Variants in ZNHIT1 observed in about 807,000 individuals in gnomAD.
ZNHIT1 encodes the protein zinc finger HIT domain-containing protein 1.
Under a neutral mutation model 21.4 loss-of-function variants are expected in ZNHIT1, and 20 were observed. The ratio of observed to expected loss-of-function variants is 0.93; its 90% CI spans 0.66 to 1.36. The LOEUF is 1.36. ZNHIT1 is among the 40% of genes most tolerant of loss of function. The pLI is 0.00. For synonymous variants in ZNHIT1, 79 were observed against 84.0 expected (o/e 0.94, Z 0.32); for missense variants, 170 against 213.5 (o/e 0.80, Z 1.27).
Position 101,218,337 on chromosome 7 carries a change from A to G in ZNHIT1, c.22+120A>G, listed in dbSNP as rs1798319151. On this transcript the variant is annotated intron_variant, in intron 1 of 4. Transcript: ENST00000305105. ...CGCCTAGGCTGGAGTGCAGTGGCAT[A>G]GTCATAGCTCACTGCAGCCTCGATT... 18 of 1,132,098 alleles carry G rather than the reference A, an allele frequency of 1.6e-5. 1 individual carries two copies. In the South Asian group the frequency reaches 2.6e-4, roughly 17 times the overall value. The allele number at this position is 1,132,098 out of a possible 1,614,324, so 70.1% of individuals were successfully genotyped here.
chr7:101,222,177 G>T (rs1798380525), intron 1 of ZNHIT1: 1 of 166,274 alleles, frequency 6.0e-6, no homozygotes, highest in Admixed American at 6.3e-5. Context: ...TTGTGGGTAG[G>T]TGGCCTGGAA....
chr7:101,223,953 G>C lies in ZNHIT1; in HGVS notation c.460G>C (p.Val154Leu). ...HQETRCLKWT[V>L] ...TGTCTGCAGGTGTCTGAAGTGGACT[G>C]TGTGAGCCTGGGCATTCCCAGAGAG... Residue 154 changes from valine (V) to leucine (L), a missense_variant, in exon 5 of 5, where the codon GTG becomes CTG. Physicochemically the swap from Val to Leu is conservative, Grantham distance 32 (BLOSUM62 1). Coordinates refer to ENST00000305105, the MANE Select transcript of ZNHIT1 (RefSeq NM_006349.3). 2 of 1,614,188 alleles carry C rather than the reference G, an allele frequency of 1.2e-6. No homozygotes were observed. Among genetic ancestry groups the C allele is most frequent in the Non-Finnish European group, 1.7e-6 (2 of 1,180,038 alleles).
rs780206314 is a variant in ZNHIT1, at chr7:101,223,468, G to C, written c.194-9G>C. The C allele has an allele frequency of 5.6e-6, 9 of 1,614,062 alleles. No homozygotes were observed. The highest frequency in any genetic ancestry group is 3.3e-5 in the South Asian group (3 of 91,074). On this transcript the variant is annotated splice_polypyrimidine_tract_variant and intron_variant, in intron 2 of 4. Transcript: ENST00000305105. ...AAGTGCCAAGCAACGGATCACCCTT[G>C]ACCCCTAGGAAAGAAAAAGAAGAAA...
intron 1 of ZNHIT1, chr7:101,219,654 C>G (rs978655905): frequency 6.7e-6 from 1 of 150,344 alleles, no homozygotes; most frequent in Admixed American, 6.6e-5. Context: ...TCTTGATCTC[C>G]TGACCTCGTG....
At chr7:101,221,660 T>G (rs1036811626) in intron 1 of ZNHIT1, 18 of 152,184 alleles carry the variant, frequency 1.2e-4, no homozygotes, top group African/African-American at 4.4e-4. Flanking sequence ...GTGCATAGAC[T>G]GAGCAGAGAA....
chr7:101,219,966 T>G (rs982106060), intron 1 of ZNHIT1: 2 of 152,228 alleles, frequency 1.3e-5, no homozygotes, highest in Non-Finnish European at 2.9e-5. Flanking sequence ...CTGTACTTAC[T>G]GTGTTTGTTT....
At chr7:101,218,562 T>G (rs1478765843) in intron 1 of ZNHIT1, 1 of 304,358 alleles carries the variant, frequency 3.3e-6, no homozygotes, top group African/African-American at 2.2e-5. Flanking sequence ...AGGCGTGAGC[T>G]GCCGCGCCCG....
At chr7:101,221,839 G>A (rs1011683670) in intron 1 of ZNHIT1, 2 of 152,168 alleles carry the variant, frequency 1.3e-5, no homozygotes, top group African/African-American at 4.8e-5. Context: ...CAGGTCCAAG[G>A]AGGAGGAGGA....
chr7:101,222,530 C>T (rs1376960363), intron 1 of ZNHIT1, 74 bp from the exon 2 acceptor site: 126 of 1,523,294 alleles, frequency 8.3e-5, no homozygotes, highest in South Asian at 6.3e-5. Context: ...GTGCCTTCCT[C>T]GCCCTGCCCA....
At chr7:101,218,283 G>A in intron 1 of ZNHIT1, 66 bp downstream of exon 1, 1 of 1,560,570 alleles carries the variant, frequency 6.4e-7, no homozygotes, top group East Asian at 2.3e-5. Context: ...TTCTTACCTA[G>A]TCATTCCTCT....
intron 1 of ZNHIT1, 49 bp from the exon 2 acceptor site, chr7:101,222,555 C>G (rs769960078): frequency 6.3e-7 from 1 of 1,575,384 alleles, no homozygotes; most frequent in Non-Finnish European, 8.6e-7. Flanking sequence ...GGCGGCCACA[C>G]TGCTCTTTCT....
At chr7:101,222,909 C>A in intron 2 of ZNHIT1, 135 bp downstream of exon 2, 1 of 1,133,608 alleles carries the variant, frequency 8.8e-7, no homozygotes, top group Non-Finnish European at 1.2e-6. Flanking sequence ...TGTGAGCAAC[C>A]ACACCCCCTT....
chr7:101,223,208 C>G (rs1798401591), intron 2 of ZNHIT1, among the ~76,000 whole-genome samples: 1 of 152,122 alleles, frequency 6.6e-6, no homozygotes, highest in African/African-American at 2.4e-5. Context: ...CCCATCTCTA[C>G]TAAAAATACA....
chr7:101,222,855 C>T, intron 2 of ZNHIT1, 81 bp downstream of exon 2: 2 of 1,522,656 alleles, frequency 1.3e-6, no homozygotes, highest in Non-Finnish European at 1.8e-6. Context: ...TGTGGGAGGA[C>T]CCAGGAGCTC....
Position 101,223,460 on chromosome 7 carries a change from T to A in ZNHIT1, c.194-17T>A. On this transcript the variant is annotated splice_polypyrimidine_tract_variant and intron_variant, in intron 2 of 4. Transcript: ENST00000305105. ...TTCTGGGCAAGTGCCAAGCAACGGA[T>A]CACCCTTGACCCCTAGGAAAGAAAA... The A allele has an allele frequency of 2.5e-6, 4 of 1,613,714 alleles. No homozygotes were observed. Among genetic ancestry groups the A allele is most frequent in the Non-Finnish European group, 3.4e-6 (4 of 1,179,836 alleles).
At chr7:101,222,377 C>T (rs1401295940) in intron 1 of ZNHIT1, 11 of 515,268 alleles carry the variant, frequency 2.1e-5, no homozygotes, top group Non-Finnish European at 3.7e-5. Flanking sequence ...GAGAGGAAGG[C>T]GGAGAAAACA....
chr7:101,222,560 C>G lies in ZNHIT1; in HGVS notation c.23-44C>G, dbSNP rs763082821. The G allele has an allele frequency of 5.7e-6, 9 of 1,580,008 alleles. No homozygotes were observed. In the Admixed American group the frequency reaches 7.2e-5, roughly 13 times the overall value. On this transcript the variant is annotated intron_variant, in intron 1 of 4. Transcript: ENST00000305105. ...TGCCCAGAGCGGCGGCCACACTGCT[C>G]TTTCTTGGAAGCCCTGTAACTTTGC...
chr7:101,223,715 G>A lies in ZNHIT1; in HGVS notation c.316G>A (p.Ala106Thr). ...GGGCCCTAACTACCTGACGGCCTGT[G>A]CGGGACCCCCATCGCGGCCCCAGCG... Reference protein sequence around the residue: ...AEGPNYLTACAGPPSRPQRPF... With the variant: ...AEGPNYLTACTGPPSRPQRPF... Residue 106 changes from alanine (A) to threonine (T), a missense_variant, in exon 4 of 5, where the codon GCG (alanine) becomes ACG (threonine). Physicochemically the swap from Ala to Thr is moderately conservative, Grantham distance 58. Transcript: ENST00000305105. 6.2e-7 allele frequency: 1 copy of A among 1,612,984 alleles called. No individual in the cohort carries two copies. The highest frequency in any genetic ancestry group is 8.5e-7 in the Non-Finnish European group (1 of 1,179,520).
At chr7:101,218,486 G>A (rs1798321691) in intron 1 of ZNHIT1, 1 of 489,646 alleles carries the variant, frequency 2.0e-6, no homozygotes. Context: ...TGTTGCCCAG[G>A]TTGGTCTCCA....
Sources: allele counts gnomAD v4.1 joint callset (sites outside exome capture counted in the v4.1 genomes callset), GRCh38; gene constraint gnomAD v4.1.1; transcripts MANE v1.5; gene names NCBI Gene and HGNC (gene_info 2026-07-23, HGNC 2026-07-21).